TOP1: variants seen among roughly 807,000 people sequenced by gnomAD.
The protein encoded by TOP1 is DNA topoisomerase I.
TOP1 carries 10 observed loss-of-function variants against 111.1 expected under a neutral mutation model. The ratio of observed to expected loss-of-function variants is 0.09; its 90% CI spans 0.06 to 0.15. The LOEUF is 0.15. Ranked by LOEUF, TOP1 falls within the 10% of genes least tolerant of loss-of-function variation. TOP1 has a pLI of 1.00. For synonymous variants in TOP1, 271 were observed against 302.9 expected (o/e 0.89, Z 1.10); for missense variants, 474 against 926.7 (o/e 0.51, Z 6.34).
At position 41,065,589 on chromosome 20, in the gene TOP1, C is replaced by G. The variant is rs34477828; in HGVS notation, c.155+4099C>G. On this transcript the variant is annotated intron_variant, in intron 3 of 20. Coordinates refer to ENST00000361337, the MANE Select transcript of TOP1 (RefSeq NM_003286.4). Reference sequence around the variant, plus strand: ...ATCTTTCTACTTTGTCTTTTTTTCTCTTTCCCTTCTACCTTTTATCTTTAT... The same window carrying G: ...ATCTTTCTACTTTGTCTTTTTTTCTGTTTCCCTTCTACCTTTTATCTTTAT... 8.5e-3 allele frequency among the ~76,000 whole-genome samples: 1,289 copies of G among 152,118 alleles called. 18 individuals are homozygous for G. The highest frequency in any genetic ancestry group is 0.051 in the South Asian group (245 of 4,816).
rs1011771292 is a variant in TOP1 at position 41,097,471 on chromosome 20, T to G, written c.852+130T>G. The G allele has an allele frequency of 2.1e-6, 2 of 970,800 alleles. No homozygotes were observed. The highest frequency in any genetic ancestry group is 5.8e-5 in the Admixed American group (2 of 34,524). The allele number at this position is 970,800 out of a possible 1,614,324, so 60.1% of individuals were successfully genotyped here. A position where few individuals can be genotyped will look rare whatever the true frequency, so the allele number is the denominator to read the frequency against. On this transcript the variant is annotated intron_variant, in intron 10 of 20. Transcript: ENST00000361337. The surrounding 1 kb of genome is among the most constrained non-coding windows in gnomAD (Gnocchi z 4.2). Reference sequence around the variant, plus strand: ...GTATGGATTTTGTTGTATTTAAACTTGCGTATTTTTTGTCTTCATTTACTA... The same window carrying G: ...GTATGGATTTTGTTGTATTTAAACTGGCGTATTTTTTGTCTTCATTTACTA...
chr20:41,100,229 C>A lies in TOP1; in HGVS notation c.1149C>A (p.Ile383=). The part of the protein sequence containing the change: ...LKRRIMPEDI[I]INCSKDAKVP... ...GACGAATCATGCCCGAGGATATAAT[C>A]ATCAACTGTAGCAAGTGAGCTCGCA... Residue 383 remains isoleucine (I), a synonymous_variant, in exon 12 of 21, where the codon ATC becomes ATA. Transcript: ENST00000361337. This position sits in a 1 kb window ranked among gnomAD's most constrained non-coding sequence, Gnocchi z 4.4. The A allele has an allele frequency of 2.5e-6, 4 of 1,613,360 alleles. No individual in the cohort carries two copies. The highest frequency in any genetic ancestry group is 3.4e-6 in the Non-Finnish European group (4 of 1,179,636).
chr20:41,091,705 C>T lies in TOP1; in HGVS notation c.615-767C>T, dbSNP rs544770973. ...CTGAGCAGCTGGGACTACAGGTGCGCGCCACCATGCCCAGCTAATTTTTGT... is the reference window on the plus strand; with the variant it reads ...CTGAGCAGCTGGGACTACAGGTGCGTGCCACCATGCCCAGCTAATTTTTGT... On this transcript the variant is annotated intron_variant, in intron 8 of 20. Coordinates refer to ENST00000361337, the MANE Select transcript of TOP1 (RefSeq NM_003286.4). Among the ~76,000 whole-genome samples, 46 of 151,702 alleles carry T rather than the reference C, an allele frequency of 3.0e-4. 1 individual carries two copies. The highest frequency in any genetic ancestry group is 2.3e-3 in the Admixed American group (35 of 15,236).
chr20:41,114,076 G>T lies in TOP1; in HGVS notation c.1559G>T (p.Gly520Val). Residue 520 changes from glycine (G) to valine (V), a missense_variant, in exon 15 of 21, where the codon GGT becomes GTT. Transcript: ENST00000361337. This position sits in a 1 kb window ranked among gnomAD's most constrained non-coding sequence, Gnocchi z 4.5. ...ATCAATCTACACCCAGAGTTGGATG[G>T]TCAGGAATATGTGGTAGAGTTTGAC... is the stretch of plus-strand genomic sequence containing the variant. ...EHINLHPELD[G>V]QEYVVEFDFL... The T allele has an allele frequency of 6.2e-7, 1 of 1,614,230 alleles. No homozygotes were observed. Among genetic ancestry groups the T allele is most frequent in the Non-Finnish European group, 8.5e-7 (1 of 1,180,028 alleles).
At chr20:41,077,140 G>A (rs949633416) in intron 4 of TOP1, among the ~76,000 whole-genome samples, 5 of 152,086 alleles carry the variant, frequency 3.3e-5, no homozygotes, top group African/African-American at 7.2e-5. Context: ...GGCTAGTCTC[G>A]AACTCCTGGC....
Position 41,123,443 on chromosome 20 carries a change from G to C in TOP1, c.*146G>C. ...ATCTTTGCGAAAAGATAAACCTGGA[G>C]ATATTATAAGGGAGAGCTGAGCCAG... On this transcript the variant is annotated 3_prime_UTR_variant, in exon 21 of 21. Coordinates refer to ENST00000361337, the MANE Select transcript of TOP1 (RefSeq NM_003286.4). This position sits in a 1 kb window ranked among gnomAD's most constrained non-coding sequence, Gnocchi z 5.8. 3.5e-6 allele frequency: 2 copies of C among 579,374 alleles called. No individual in the cohort carries two copies. The highest frequency in any genetic ancestry group is 6.1e-6 in the Non-Finnish European group (2 of 327,774). 35.9% of individuals were successfully genotyped at this position (579,374 alleles called of 1,614,324 possible).
Position 41,073,282 on chromosome 20 carries a change from C to T in TOP1, c.156-2889C>T, listed in dbSNP as rs544240568. 8 of 982,666 alleles carry T rather than the reference C, an allele frequency of 8.1e-6. No homozygotes were observed. The East Asian group carries it at 6.9e-4, about 84-fold the overall frequency. The allele number at this position is 982,666 out of a possible 1,614,324, so 60.9% of individuals were successfully genotyped here. On this transcript the variant is annotated intron_variant, in intron 3 of 20. Coordinates refer to ENST00000361337, the MANE Select transcript of TOP1 (RefSeq NM_003286.4). ...GAAATGCTTTCACTGAGAAAGAGAA[C>T]GGGTCAGGGGAAGGTGGAACTTAAA...
intron 18 of TOP1, among the ~76,000 whole-genome samples, chr20:41,119,218 TATGAA>T (rs1442735905): frequency 1.3e-5 from 2 of 152,258 alleles, no homozygotes; most frequent in South Asian, 2.1e-4. Context: ...GCAATTCAAA[TATGAA>T]ATGAAGATGT....
intron 3 of TOP1, among the ~76,000 whole-genome samples, chr20:41,073,815 G>T (rs1304583702): frequency 6.6e-6 from 1 of 152,184 alleles, no homozygotes; most frequent in Admixed American, 6.5e-5. Context: ...TGCTTAGAAA[G>T]TAGAATTTTG....
Position 41,109,743 on chromosome 20 carries a change from G to A in TOP1, c.1309-3039G>A, listed in dbSNP as rs1216465767. Among the ~76,000 whole-genome samples the A allele has an allele frequency of 6.6e-6, 1 of 152,206 alleles. No homozygotes were observed. Among genetic ancestry groups the A allele is most frequent in the Non-Finnish European group, 1.5e-5 (1 of 68,034 alleles). The stretch of plus-strand genomic sequence containing the variant: ...CTCGACATCACTAATTATCAGTGGA[G>A]TGAAGATTTAACCACAGGGAGATAC... On this transcript the variant is annotated intron_variant, in intron 13 of 20. Transcript: ENST00000361337. The surrounding 1 kb of genome is among the most constrained non-coding windows in gnomAD (Gnocchi z 4.1).
chr20:41,091,180 T>TAA (rs2033915632), intron 8 of TOP1, among the ~76,000 whole-genome samples: 1 of 152,240 alleles, frequency 6.6e-6, no homozygotes, highest in Non-Finnish European at 1.5e-5. Flanking sequence ...TTGGACTTGT[T>TAA]CCATGGCTGA....
At chr20:41,063,036 C>T (rs1471013890) in intron 3 of TOP1, among the ~76,000 whole-genome samples, 3 of 152,126 alleles carry the variant, frequency 2.0e-5, no homozygotes, top group African/African-American at 7.2e-5. Context: ...ACAAATGATC[C>T]TGTCACCCAG....
Position 41,101,135 on chromosome 20 carries a change from T to C in TOP1, c.1164-74T>C. The C allele has an allele frequency of 3.3e-6, 5 of 1,529,930 alleles. No homozygotes were observed. The South Asian group carries it at 5.8e-5, about 18-fold the overall frequency. The allele number at this position is 1,529,930 out of a possible 1,614,324, so 94.8% of individuals were successfully genotyped here. Reference sequence around the variant, plus strand: ...TGGAAAATTATGCTCAGCAGATAGGTCCACTTGGGGTCATGAAAGGTGAAA... The same window carrying C: ...TGGAAAATTATGCTCAGCAGATAGGCCCACTTGGGGTCATGAAAGGTGAAA... On this transcript the variant is annotated intron_variant, in intron 12 of 20. Coordinates refer to ENST00000361337, the MANE Select transcript of TOP1 (RefSeq NM_003286.4). The surrounding 1 kb of genome is among the most constrained non-coding windows in gnomAD (Gnocchi z 4.1).
chr20:41,068,141 G>A (rs2033629219), intron 3 of TOP1, among the ~76,000 whole-genome samples: 1 of 152,176 alleles, frequency 6.6e-6, no homozygotes, highest in Admixed American at 6.5e-5. Flanking sequence ...GTATGCATAT[G>A]GTAGGCAGCT....
rs534663125 is a variant in TOP1, at chr20:41,078,174, T to G, written c.335+537T>G. Among the ~76,000 whole-genome samples, 1 of 150,774 alleles carries G rather than the reference T, an allele frequency of 6.6e-6. No individual in the cohort carries two copies. Among genetic ancestry groups the G allele is most frequent in the African/African-American group, 2.4e-5 (1 of 40,996 alleles). Reference sequence around the variant, plus strand: ...GGATGAGTGTAGATTTGGGTAGAATTATGTTATCTCTTTTCTAGAAGGAGA... The same window carrying G: ...GGATGAGTGTAGATTTGGGTAGAATGATGTTATCTCTTTTCTAGAAGGAGA... On this transcript the variant is annotated intron_variant, in intron 5 of 20. Transcript: ENST00000361337. The surrounding 1 kb of genome is among the most constrained non-coding windows in gnomAD (Gnocchi z 5.3).
At chr20:41,088,616 C>T (rs1292801371) in intron 8 of TOP1, among the ~76,000 whole-genome samples, 3 of 152,108 alleles carry the variant, frequency 2.0e-5, no homozygotes, top group African/African-American at 7.2e-5. Context: ...TCTGTGACTG[C>T]TGCAGACAGG....
rs1342108816 is a variant in TOP1, at chr20:41,122,954, T to C, written c.2196-241T>C. Among the ~76,000 whole-genome samples the C allele has an allele frequency of 6.6e-6, 1 of 152,250 alleles. No individual in the cohort carries two copies. The highest frequency in any genetic ancestry group is 1.5e-5 in the Non-Finnish European group (1 of 68,036). On this transcript the variant is annotated intron_variant, in intron 20 of 20. Transcript: ENST00000361337. This position sits in a 1 kb window ranked among gnomAD's most constrained non-coding sequence, Gnocchi z 5.4. ...AAATCAGTAAATTACCTAACGTCTCTGCCTCAGTTTCATCTGTACGTTTTT... is the reference window on the plus strand; with the variant it reads ...AAATCAGTAAATTACCTAACGTCTCCGCCTCAGTTTCATCTGTACGTTTTT...
intron 2 of TOP1, among the ~76,000 whole-genome samples, chr20:41,051,710 T>G (rs2033407981): frequency 6.6e-6 from 1 of 152,100 alleles, no homozygotes; most frequent in Non-Finnish European, 1.5e-5. Context: ...CATAAGTGCT[T>G]TTCTTTCCTG....
At position 41,092,249 on chromosome 20, in the gene TOP1, T is replaced by C. The variant is rs1215560751; in HGVS notation, c.615-223T>C. Among the ~76,000 whole-genome samples, 1 of 152,234 alleles carries C rather than the reference T, an allele frequency of 6.6e-6. No homozygotes were observed. Among genetic ancestry groups the C allele is most frequent in the African/African-American group, 2.4e-5 (1 of 41,462 alleles). On this transcript the variant is annotated intron_variant, in intron 8 of 20. Coordinates refer to ENST00000361337, the MANE Select transcript of TOP1 (RefSeq NM_003286.4). The surrounding 1 kb of genome is among the most constrained non-coding windows in gnomAD (Gnocchi z 4.3). The stretch of plus-strand genomic sequence containing the variant: ...GTATTCTTAAACTGAGCTGTTGAAA[T>C]GTATTTTCCTTTATTCACCACAGTA...
Sources: gnomAD v4.1 joint callset for allele counts (sites outside exome capture counted in the v4.1 genomes callset) on GRCh38, gnomAD v4.1.1 for gene constraint, Gnocchi (gnomAD v3.1) non-coding constraint, MANE v1.5 for transcripts, NCBI Gene and HGNC (gene_info 2026-07-23, HGNC 2026-07-21) for gene names.